The following KDM4D variants were observed in gnomAD, a reference collection of about 807,000 sequenced individuals.
KDM4D encodes the protein lysine-specific demethylase 4D.
For missense variants in KDM4D, 427 were observed against 674.8 expected, an observed-to-expected ratio of 0.63 and a Z score of 4.07; for synonymous variants, 254 against 249.1, an observed-to-expected ratio of 1.02 and a Z score of -0.19.
intron 2 of KDM4D, among the ~76,000 whole-genome samples, chr11:94,990,504 G>C (rs1477959283): frequency 2.6e-5 from 4 of 152,150 alleles, no homozygotes; most frequent in Admixed American, 2.6e-4. Context: ...AGAGAAATTT[G>C]GGAAACAAGA....
At chr11:94,977,104 T>C (rs1857803738) in intron 2 of KDM4D, among the ~76,000 whole-genome samples, 1 of 152,002 alleles carries the variant, frequency 6.6e-6, no homozygotes, top group Admixed American at 6.6e-5. Flanking sequence ...ACAAAAGATA[T>C]AAGCAGGCCA....
Position 94,997,191 on chromosome 11 carries a change from A to C in KDM4D, c.-182A>C. On this transcript the variant is annotated 5_prime_UTR_variant, in exon 3 of 3. Transcript: ENST00000335080. ...GGGCAAAGCTGCTGCCCAGAGTGGA[A>C]TCTCACTAGTGAATAAACAAGCCCA... 4 of 475,602 alleles carry C rather than the reference A, an allele frequency of 8.4e-6. No homozygotes were observed. Among genetic ancestry groups the C allele is most frequent in the Non-Finnish European group, 1.1e-5 (3 of 273,850 alleles). The allele number at this position is 475,602 out of a possible 1,614,324, so 29.5% of individuals were successfully genotyped here.
intron 2 of KDM4D, among the ~76,000 whole-genome samples, chr11:94,981,507 C>T (rs1271505362): frequency 2.6e-5 from 4 of 151,830 alleles, no homozygotes; most frequent in East Asian, 1.9e-4. Context: ...TTACCTACTG[C>T]GTCAGTGTCC....
chr11:94,975,980 A>G (rs1195347976), intron 2 of KDM4D, among the ~76,000 whole-genome samples: 3 of 152,240 alleles, frequency 2.0e-5, no homozygotes, highest in African/African-American at 7.2e-5. Flanking sequence ...CATTAACACC[A>G]ATATACAATA....
At chr11:94,986,343 A>G (rs1053445068) in intron 2 of KDM4D, among the ~76,000 whole-genome samples, 2 of 152,152 alleles carry the variant, frequency 1.3e-5, no homozygotes, top group Non-Finnish European at 2.9e-5. Context: ...TAATCCCAAC[A>G]CTTTGGGAGG....
chr11:94,997,747 C>T lies in KDM4D; in HGVS notation c.375C>T (p.Tyr125=), dbSNP rs1324978856. 17 of 1,614,238 alleles carry T rather than the reference C, an allele frequency of 1.1e-5. No homozygotes were observed. The highest frequency in any genetic ancestry group is 1.4e-5 in the Non-Finnish European group (17 of 1,180,044). Residue 125 remains tyrosine, a synonymous_variant, in exon 3 of 3, where the codon TAC becomes TAT. Transcript: ENST00000335080. ...HQNFEDLERK[Y]WKNRIYNSPI... is the part of the protein sequence containing the mutation. Reference sequence around the variant, plus strand: ...ATTTCGAAGATTTGGAGCGAAAATACTGGAAGAACCGCATCTATAATTCAC... The same window carrying T: ...ATTTCGAAGATTTGGAGCGAAAATATTGGAAGAACCGCATCTATAATTCAC...
At chr11:94,980,690 T>TGGC (rs1555097473) in intron 2 of KDM4D, among the ~76,000 whole-genome samples, 1 of 152,176 alleles carries the variant, frequency 6.6e-6, no homozygotes, top group East Asian at 1.9e-4. Flanking sequence ...CTATTATAAA[T>TGGC]GGCGTCTTCC....
intron 2 of KDM4D, among the ~76,000 whole-genome samples, chr11:94,984,865 T>C (rs1555097955): frequency 6.9e-6 from 1 of 145,598 alleles, no homozygotes; most frequent in African/African-American, 2.5e-5. Flanking sequence ...AGACTCCGTC[T>C]CAAAAAAAAA....
intron 2 of KDM4D, among the ~76,000 whole-genome samples, chr11:94,988,202 G>A (rs1857904440): frequency 1.3e-5 from 2 of 152,146 alleles, no homozygotes; most frequent in Non-Finnish European, 2.9e-5. Context: ...ACAGAAAACA[G>A]GTTTTGGATT....
At position 94,997,329 on chromosome 11, in the gene KDM4D, C is replaced by T. The variant is rs782712490; in HGVS notation, c.-44C>T. 9 of 1,425,318 alleles carry T rather than the reference C, an allele frequency of 6.3e-6. No homozygotes were observed. The South Asian group carries it at 8.6e-5, about 14-fold the overall frequency. 88.3% of individuals were successfully genotyped at this position (1,425,318 alleles called of 1,614,324 possible). A position where few individuals can be genotyped will look rare whatever the true frequency, so the allele number is the denominator to read the frequency against. On this transcript the variant is annotated 5_prime_UTR_variant, in exon 3 of 3. Coordinates refer to ENST00000335080, the MANE Select transcript of KDM4D (RefSeq NM_018039.3). ...AAGTAGCATTTTCCTACATTGTCAACTATCTAGAACATACCTAAAAACTAA... is the reference window on the plus strand; with the variant it reads ...AAGTAGCATTTTCCTACATTGTCAATTATCTAGAACATACCTAAAAACTAA...
rs587766961 is a variant in KDM4D, at chr11:94,977,948, A to G, written c.-350+2200A>G. On this transcript the variant is annotated intron_variant, in intron 2 of 2. Coordinates refer to ENST00000335080, the MANE Select transcript of KDM4D (RefSeq NM_018039.3). Reference sequence around the variant, plus strand: ...GAGGAAAAAATTGTGTTCTGTTGTAAAAAGTTATTGCCTTAATCTATTTTA... The same window carrying G: ...GAGGAAAAAATTGTGTTCTGTTGTAGAAAGTTATTGCCTTAATCTATTTTA... Among the ~76,000 whole-genome samples the G allele has an allele frequency of 2.0e-5, 3 of 152,322 alleles. No homozygotes were observed. In the South Asian group the frequency reaches 6.2e-4, roughly 32 times the overall value.
At chr11:94,982,426 C>A (rs1857848978) in intron 2 of KDM4D, among the ~76,000 whole-genome samples, 1 of 151,264 alleles carries the variant, frequency 6.6e-6, no homozygotes, top group African/African-American at 2.4e-5. Flanking sequence ...TAATTAATGT[C>A]AAAGTTTAGA....
At chr11:94,975,167 CAA>C (rs34942946) in intron 1 of KDM4D, among the ~76,000 whole-genome samples, 2 of 152,112 alleles carry the variant, frequency 1.3e-5, no homozygotes, top group African/African-American at 4.8e-5. Context: ...GCCTGTGCCC[CAA>C]AGTAACTGTA....
intron 2 of KDM4D, among the ~76,000 whole-genome samples, chr11:94,989,915 C>T (rs1052752914): frequency 6.6e-6 from 1 of 152,056 alleles, no homozygotes; most frequent in African/African-American, 2.4e-5. Flanking sequence ...GCCACCACCA[C>T]GTCCAGCTAA....
In KDM4D at chr11:94,998,355, T is replaced by A. The variant is rs141074693; in HGVS notation, c.983T>A (p.Leu328Gln). Residue 328 changes from leucine (L) to glutamine (Q), a missense_variant, in exon 3 of 3, where the codon CTG (leucine) becomes CAG (glutamine). By Grantham distance (113) the Leu-to-Gln change is moderately radical. Transcript: ENST00000335080. This position sits in a 1 kb window ranked among gnomAD's most constrained non-coding sequence, Gnocchi z 6.7. Reference protein sequence around the residue: ...TFSMDAFVRILQPERYDLWKR... With the variant: ...TFSMDAFVRIQQPERYDLWKR... Reference sequence around the variant, plus strand: ...TCCATGGATGCCTTCGTGCGCATCCTGCAACCTGAACGCTATGACCTGTGG... The same window carrying A: ...TCCATGGATGCCTTCGTGCGCATCCAGCAACCTGAACGCTATGACCTGTGG... 4.3e-6 allele frequency: 7 copies of A among 1,614,068 alleles called. No homozygotes were observed. In the African/African-American group the frequency reaches 9.3e-5, roughly 22 times the overall value.
intron 2 of KDM4D, among the ~76,000 whole-genome samples, chr11:94,989,661 A>G (rs587759204): frequency 6.6e-5 from 10 of 152,274 alleles, no homozygotes; most frequent in African/African-American, 2.2e-4. Context: ...ATGTTCATAA[A>G]AAGAAGTCCA....
Position 94,997,567 on chromosome 11 carries a change from T to C in KDM4D, c.195T>C (p.Asn65=). The C allele has an allele frequency of 6.2e-7, 1 of 1,613,906 alleles. No homozygotes were observed. Among genetic ancestry groups the C allele is most frequent in the Non-Finnish European group, 8.5e-7 (1 of 1,179,996 alleles). ...GGAAAGCCAGAGAGACCTATGATAATATCAGTGAAATCTTAATAGCCACTC... is the reference window on the plus strand; with the variant it reads ...GGAAAGCCAGAGAGACCTATGATAACATCAGTGAAATCTTAATAGCCACTC... ...KEWKARETYD[N]ISEILIATPL... The change falls in exon 3 of 3, where the codon AAT becomes AAC. Residue 65 remains asparagine, a synonymous_variant. Coordinates refer to ENST00000335080, the MANE Select transcript of KDM4D (RefSeq NM_018039.3).
At position 94,998,173 on chromosome 11, in the gene KDM4D, G is replaced by A. The variant is rs947211929; in HGVS notation, c.801G>A (p.Glu267=). ...TTCCCTTCAATCGCATAACTCAGGA[G>A]GCTGGAGAGTTCATGGTGACCTTTC... ...NGIPFNRITQ[E]AGEFMVTFPY... The change falls in exon 3 of 3, where the codon GAG becomes GAA. Residue 267 remains glutamate (E), a synonymous_variant. Transcript: ENST00000335080. This position sits in a 1 kb window ranked among gnomAD's most constrained non-coding sequence, Gnocchi z 6.7. 41 of 1,614,080 alleles carry A rather than the reference G, an allele frequency of 2.5e-5. No homozygotes were observed. The highest frequency in any genetic ancestry group is 3.4e-5 in the Non-Finnish European group (40 of 1,180,050).
intron 2 of KDM4D, among the ~76,000 whole-genome samples, chr11:94,978,663 G>C (rs1229324871): frequency 2.6e-5 from 4 of 152,008 alleles, no homozygotes; most frequent in Non-Finnish European, 5.9e-5. Flanking sequence ...GTACTACTGC[G>C]AAGACAATTA....
Sources: gnomAD v4.1 joint callset for allele counts (sites outside exome capture counted in the v4.1 genomes callset) on GRCh38, gnomAD v4.1.1 for gene constraint, Gnocchi (gnomAD v3.1) non-coding constraint, MANE v1.5 for transcripts, NCBI Gene and HGNC (gene_info 2026-07-23, HGNC 2026-07-21) for gene names.